Variants in SMAD4 observed in about 807,000 individuals in gnomAD.
The protein encoded by SMAD4 is MAD homolog 4.
A neutral mutation model predicts 63.2 loss-of-function variants in SMAD4; 7 were observed. The ratio of observed to expected loss-of-function variants is 0.11; its 90% CI spans 0.06 to 0.21. The LOEUF is 0.21. SMAD4 is among the 10% of genes least tolerant of loss of function. The pLI is 1.00. For missense variants in SMAD4, 312 were observed against 693.8 expected (o/e 0.45, Z 6.18); for synonymous variants, 215 against 235.4 (o/e 0.91, Z 0.79).
chr18:51,045,396 C>T (rs949174713), intron 1 of SMAD4, among the ~76,000 whole-genome samples: 1 of 152,096 alleles, frequency 6.6e-6, no homozygotes, highest in African/African-American at 2.4e-5. Flanking sequence ...AAAATACAAA[C>T]AAGCACACAA....
rs1487501593 is a variant in SMAD4 at position 51,042,086 on chromosome 18, G to A, written c.-127-4834G>A. Among the ~76,000 whole-genome samples the A allele has an allele frequency of 2.6e-5, 4 of 152,114 alleles. 1 individual carries two copies. In the East Asian group the frequency reaches 7.7e-4, roughly 29 times the overall value. On this transcript the variant is annotated intron_variant, in intron 1 of 11. Transcript: ENST00000342988. ...GGGATGTTGTAGAAATTTGTGGATG[G>A]GTTTGGTGGATTGGTGGCCAGGGAT...
At chr18:51,059,776 A>G (rs1909955280) in intron 7 of SMAD4, 90 bp from the exon 8 acceptor site, 7 of 939,864 alleles carry the variant, frequency 7.4e-6, no homozygotes, top group Admixed American at 1.8e-5. Context: ...CTAACCTATA[A>G]TAGTTATATT....
At chr18:51,044,785 A>G (rs1218154969) in intron 1 of SMAD4, among the ~76,000 whole-genome samples, 4 of 152,180 alleles carry the variant, frequency 2.6e-5, no homozygotes, top group Admixed American at 1.3e-4. Context: ...GAGCTTCTGT[A>G]TACCCTCCTT....
intron 1 of SMAD4, among the ~76,000 whole-genome samples, chr18:51,040,356 A>G (rs956339525): frequency 1.4e-4 from 22 of 151,880 alleles, no homozygotes; most frequent in Admixed American, 1.1e-3. Context: ...CCCAGGAGGC[A>G]GAAGTGGCAG....
Position 51,058,925 on chromosome 18 carries a change from A to G in SMAD4, c.904+469A>G, listed in dbSNP as rs116575678. Among the ~76,000 whole-genome samples the G allele has an allele frequency of 7.6e-3, 1,153 of 152,312 alleles. 11 individuals carry two copies. The highest frequency in any genetic ancestry group is 0.026 in the African/African-American group (1,086 of 41,572). On this transcript the variant is annotated intron_variant, in intron 7 of 11. Transcript: ENST00000342988. ...CAGATAACATGTAGTTTCAGGTAGAATAGGAGCATTGTTCATATGGCTTAG... is the reference window on the plus strand; with the variant it reads ...CAGATAACATGTAGTTTCAGGTAGAGTAGGAGCATTGTTCATATGGCTTAG...
Position 51,048,682 on chromosome 18 carries a change from C to G in SMAD4, c.250-4C>G, listed in dbSNP as rs1599182375. 4 of 1,540,190 alleles carry G rather than the reference C, an allele frequency of 2.6e-6. No homozygotes were observed. The highest frequency in any genetic ancestry group is 8.8e-7 in the Non-Finnish European group (1 of 1,133,750). On this transcript the variant is annotated splice_region_variant and splice_polypyrimidine_tract_variant and intron_variant, in intron 2 of 11. Coordinates refer to ENST00000342988, the MANE Select transcript of SMAD4 (RefSeq NM_005359.6). The stretch of plus-strand genomic sequence containing the variant: ...CATGAATAAATGGTCGTTTATTTTT[C>G]TAGGTGGCTGGTCGGAAAGGATTTC...
chr18:51,044,520 G>A (rs796353321), intron 1 of SMAD4, among the ~76,000 whole-genome samples: 11 of 152,154 alleles, frequency 7.2e-5, no homozygotes, highest in African/African-American at 1.4e-4. Flanking sequence ...AGCTCCCCGC[G>A]TAGCTAGGAC....
chr18:51,032,260 A>C (rs1319691672), intron 1 of SMAD4, among the ~76,000 whole-genome samples: 1 of 152,224 alleles, frequency 6.6e-6, no homozygotes, highest in Non-Finnish European at 1.5e-5. Flanking sequence ...AGTTTTAAAG[A>C]AGTATTGCAT....
rs1250729992 is a variant in SMAD4 at position 51,030,512 on chromosome 18, C to T, written c.-239C>T. 1.3e-5 allele frequency: 2 copies of T among 148,468 alleles called. No individual in the cohort carries two copies. Among genetic ancestry groups the T allele is most frequent in the Admixed American group, 1.3e-4 (2 of 15,014 alleles). 9.2% of individuals were successfully genotyped at this position (148,468 alleles called of 1,614,324 possible). ...GAGGGGCGGCCTGGCCGGGACGCCT[C>T]GGGGCGGGGGCCGAGGAGCTCTCCG... On this transcript the variant is annotated 5_prime_UTR_variant, in exon 1 of 12. Transcript: ENST00000342988.
At position 51,073,392 on chromosome 18, in the gene SMAD4, C is replaced by CAT. The variant is rs1486427374; in HGVS notation, c.1309-3245_1309-3244insTA. The stretch of plus-strand genomic sequence containing the variant: ...ATATATATATATATATATATATACA[C>CAT]ACACACACACACACACACACACACA... On this transcript the variant is annotated intron_variant, in intron 10 of 11. Transcript: ENST00000342988. 1.4e-3 allele frequency among the ~76,000 whole-genome samples: 40 copies of CAT among 28,606 alleles called. 2 individuals carry two copies. The highest frequency in any genetic ancestry group is 5.7e-3 in the African/African-American group (40 of 6,982). The allele number at this position is 28,606 out of a possible 152,430, so 18.8% of individuals were successfully genotyped here.
intron 5 of SMAD4, among the ~76,000 whole-genome samples, chr18:51,055,375 T>C (rs879765394): frequency 6.6e-6 from 1 of 152,196 alleles, no homozygotes; most frequent in African/African-American, 2.4e-5. Context: ...ATTTTGGTTT[T>C]TCTGGGACAA....
intron 8 of SMAD4, among the ~76,000 whole-genome samples, chr18:51,061,355 C>T (rs527536657): frequency 6.6e-6 from 1 of 152,308 alleles, no homozygotes; most frequent in South Asian, 2.1e-4. Flanking sequence ...CCCAATCCCC[C>T]ACTACCTTTC....
intron 10 of SMAD4, among the ~76,000 whole-genome samples, chr18:51,072,464 A>T (rs1033332324): frequency 6.6e-6 from 1 of 152,220 alleles, no homozygotes; most frequent in African/African-American, 2.4e-5. Context: ...TTTATTCCCA[A>T]TTAACACTCA....
Position 51,067,001 on chromosome 18 carries a change from TTC to T in SMAD4, c.1140-16_1140-15del. ...AATACTTATCAAGATAAAATGTAATTTCTTTTTTCTTCCTAAGGTTGCACATA... is the reference window on the plus strand; with the variant it reads ...AATACTTATCAAGATAAAATGTAATTTTTTTTCTTCCTAAGGTTGCACATA... On this transcript the variant is annotated splice_polypyrimidine_tract_variant and intron_variant, in intron 9 of 11. Coordinates refer to ENST00000342988, the MANE Select transcript of SMAD4 (RefSeq NM_005359.6). 1 of 1,586,618 alleles carries T rather than the reference TTC, an allele frequency of 6.3e-7. No individual in the cohort carries two copies. The highest frequency in any genetic ancestry group is 8.7e-7 in the Non-Finnish European group (1 of 1,155,778).
intron 2 of SMAD4, among the ~76,000 whole-genome samples, 194 bp downstream of exon 2, chr18:51,047,489 T>C (rs1443437417): frequency 6.6e-6 from 1 of 152,238 alleles, no homozygotes; most frequent in African/African-American, 2.4e-5. Context: ...TTTTTTAATG[T>C]TCTACTCAGA....
At chr18:51,069,440 G>A (rs1243063914) in intron 10 of SMAD4, among the ~76,000 whole-genome samples, 1 of 152,054 alleles carries the variant, frequency 6.6e-6, no homozygotes, top group Non-Finnish European at 1.5e-5. Context: ...TAATGGCTTT[G>A]GATTTCCTTA....
chr18:51,049,789 A>G (rs1173356981), intron 4 of SMAD4, among the ~76,000 whole-genome samples: 1 of 152,202 alleles, frequency 6.6e-6, no homozygotes, highest in Non-Finnish European at 1.5e-5. Context: ...GAATGGTTTA[A>G]AATTGCACTC....
At chr18:51,053,387 CCAAA>C (rs1330655563) in intron 4 of SMAD4, 10 of 152,098 alleles carry the variant, frequency 6.6e-5, no homozygotes, top group East Asian at 1.9e-4. Context: ...ATTTTGTGCC[CCAAA>C]CAATTTTTTT....
At chr18:51,070,079 A>T (rs536372194) in intron 10 of SMAD4, among the ~76,000 whole-genome samples, 44 of 152,340 alleles carry the variant, frequency 2.9e-4, no homozygotes, top group African/African-American at 1.0e-3. Context: ...ATGTATACCC[A>T]CTTAACCCAT....
Sources: gnomAD v4.1 joint callset for allele counts (sites outside exome capture counted in the v4.1 genomes callset) on GRCh38, gnomAD v4.1.1 for gene constraint, MANE v1.5 for transcripts, NCBI Gene and HGNC (gene_info 2026-07-23, HGNC 2026-07-21) for gene names.